CSGALNACT1: variants seen among roughly 807,000 people sequenced by gnomAD.
CSGALNACT1 encodes the protein beta4GalNAcT-1.
CSGALNACT1 carries 52 observed loss-of-function variants against 51.0 expected under a neutral mutation model. The ratio of observed to expected loss-of-function variants is 1.02; its 90% confidence interval spans 0.82 to 1.29. The LOEUF is 1.29. Ranked by LOEUF, CSGALNACT1 falls within the 50% of genes most tolerant of loss-of-function variation. CSGALNACT1 has a pLI of 0.00. For synonymous variants in CSGALNACT1, 341 were observed against 254.4 expected (o/e 1.34, Z -3.24); for missense variants, 935 against 679.2 (o/e 1.38, Z -4.19).
chr8:19,578,194 T>A (rs1228656389), intron 3 of CSGALNACT1, among the ~76,000 whole-genome samples: 1 of 152,182 alleles, frequency 6.6e-6, no homozygotes, highest in Non-Finnish European at 1.5e-5. Flanking sequence ...CCCTAGCTAG[T>A]CACTATGCCA....
intron 8 of CSGALNACT1, among the ~76,000 whole-genome samples, chr8:19,414,064 T>C (rs577277886): frequency 5.3e-5 from 8 of 152,322 alleles, no homozygotes; most frequent in African/African-American, 1.9e-4. Context: ...CCCAACCTTG[T>C]GTTCAGTGAC....
At chr8:19,743,596 A>G (rs1563200775) in intron 1 of CSGALNACT1, among the ~76,000 whole-genome samples, 1 of 152,218 alleles carries the variant, frequency 6.6e-6, no homozygotes, top group Admixed American at 6.5e-5. Context: ...GGTTCACCAC[A>G]TGGACTTTCA....
At chr8:19,648,683 A>C (rs949020631) in intron 1 of CSGALNACT1, among the ~76,000 whole-genome samples, 1 of 152,120 alleles carries the variant, frequency 6.6e-6, no homozygotes, top group Non-Finnish European at 1.5e-5. Flanking sequence ...TGGTACCTGT[A>C]GTCCCAGGTA....
chr8:19,592,724 T>A lies in CSGALNACT1; in HGVS notation c.-415-1446A>T, dbSNP rs116144858. ...AGCCAAGATCGCACCACTGTGCCAC[T>A]GCACCACTGCACTCTGGCCTGGGGG... On this transcript the variant is annotated intron_variant, in intron 2 of 9. Coordinates refer to ENST00000454498, the Ensembl canonical transcript of CSGALNACT1. 9.3e-4 allele frequency among the ~76,000 whole-genome samples: 141 copies of A among 152,258 alleles called. 1 individual carries two copies. In the East Asian group the frequency reaches 0.021, roughly 23 times the overall value.
chr8:19,456,844 G>C (rs2064210000), intron 5 of CSGALNACT1, among the ~76,000 whole-genome samples: 1 of 152,166 alleles, frequency 6.6e-6, no homozygotes, highest in African/African-American at 2.4e-5. Context: ...AGGGAATTGA[G>C]AACTGCTATA....
In CSGALNACT1 at chr8:19,408,632, C is replaced by T. The variant is rs557020734; in HGVS notation, c.1290G>A (p.Arg430=). The T allele has an allele frequency of 2.5e-6, 4 of 1,613,802 alleles. No individual in the cohort carries two copies. In the African/African-American group the frequency reaches 4.0e-5, roughly 16 times the overall value. ...TCCTACCTATATTGATGAAGTCTGA[C>T]CGATACTGACACGTCATCCCAAATC... Residue 430 remains arginine, a synonymous_variant, in exon 9 of 10, where the codon CGG becomes CGA. Transcript: ENST00000454498.
intron 4 of CSGALNACT1, among the ~76,000 whole-genome samples, chr8:19,488,037 G>A (rs1413720175): frequency 6.6e-6 from 1 of 152,068 alleles, no homozygotes; most frequent in Non-Finnish European, 1.5e-5. Context: ...TTTGCAATAT[G>A]ACTGCTGATA....
chr8:19,548,627 A>T (rs1266691091), intron 3 of CSGALNACT1, among the ~76,000 whole-genome samples: 1 of 152,166 alleles, frequency 6.6e-6, no homozygotes, highest in East Asian at 1.9e-4. Flanking sequence ...TTTTATATAC[A>T]TGGATTTATT....
chr8:19,494,512 G>T (rs907960010), intron 4 of CSGALNACT1, among the ~76,000 whole-genome samples: 5 of 152,186 alleles, frequency 3.3e-5, no homozygotes, highest in African/African-American at 4.8e-5. Flanking sequence ...GCTTGTGAGA[G>T]GCAGGGACTA....
intron 3 of CSGALNACT1, among the ~76,000 whole-genome samples, chr8:19,588,540 C>T (rs2047146762): frequency 6.6e-6 from 1 of 152,216 alleles, no homozygotes; most frequent in Non-Finnish European, 1.5e-5. Flanking sequence ...GCAGTGTGCC[C>T]ATGCACTCAA....
At chr8:19,586,721 T>C (rs1171357975) in intron 3 of CSGALNACT1, among the ~76,000 whole-genome samples, 2 of 152,152 alleles carry the variant, frequency 1.3e-5, no homozygotes, top group African/African-American at 4.8e-5. Context: ...GGGTGGGATA[T>C]TGTACCTAAG....
chr8:19,722,159 A>G (rs1172449783), intron 1 of CSGALNACT1, among the ~76,000 whole-genome samples: 2 of 152,178 alleles, frequency 1.3e-5, no homozygotes, highest in African/African-American at 4.8e-5. Context: ...TAATTAGATG[A>G]GAAAAAGAAC....
At chr8:19,479,678 G>T (rs953463993) in intron 4 of CSGALNACT1, among the ~76,000 whole-genome samples, 1 of 151,120 alleles carries the variant, frequency 6.6e-6, no homozygotes, top group Non-Finnish European at 1.5e-5. Flanking sequence ...AGAAAGCCCC[G>T]ACTGTTAGGA....
chr8:19,416,445 AC>A lies in CSGALNACT1; in HGVS notation c.1227+2210del, dbSNP rs376101652. ...ACTTTTAAAAAATAAGTTTAGTGTCACCTAAGTCTACAGTGGTTATAAAGTC... is the reference window on the plus strand; with the variant it reads ...ACTTTTAAAAAATAAGTTTAGTGTCACTAAGTCTACAGTGGTTATAAAGTC... On this transcript the variant is annotated intron_variant, in intron 8 of 9. Coordinates refer to ENST00000454498, the Ensembl canonical transcript of CSGALNACT1. 2.8e-3 allele frequency among the ~76,000 whole-genome samples: 421 copies of A among 152,210 alleles called. 1 individual carries two copies. Among genetic ancestry groups the A allele is most frequent in the African/African-American group, 9.8e-3 (408 of 41,524 alleles).
At chr8:19,664,185 G>GT (rs34200911) in intron 1 of CSGALNACT1, among the ~76,000 whole-genome samples, 1 of 152,222 alleles carries the variant, frequency 6.6e-6, no homozygotes, top group South Asian at 2.1e-4. Flanking sequence ...TGTTGAACGT[G>GT]TTTTTCAAAG....
intron 4 of CSGALNACT1, among the ~76,000 whole-genome samples, chr8:19,465,511 GACC>G (rs1263137819): frequency 6.6e-6 from 1 of 152,184 alleles, no homozygotes; most frequent in Non-Finnish European, 1.5e-5. Flanking sequence ...TATACGTATT[GACC>G]ACCATAACTG....
rs181669493 is a variant in CSGALNACT1 at position 19,526,968 on chromosome 8, T to G, written c.-296-20838A>C. Among the ~76,000 whole-genome samples, 10 of 152,312 alleles carry G rather than the reference T, an allele frequency of 6.6e-5. 1 individual carries two copies. The highest frequency in any genetic ancestry group is 2.4e-4 in the African/African-American group (10 of 41,572). On this transcript the variant is annotated intron_variant, in intron 3 of 9. Coordinates refer to ENST00000454498, the Ensembl canonical transcript of CSGALNACT1. Reference sequence around the variant, plus strand: ...GTTAAATGCTATGTTAAAGTCTCATTCAGGATCTTAGATATCCGTATCTAT... The same window carrying G: ...GTTAAATGCTATGTTAAAGTCTCATGCAGGATCTTAGATATCCGTATCTAT...
chr8:19,452,440 G>A (rs995544466), intron 5 of CSGALNACT1, among the ~76,000 whole-genome samples: 24 of 150,676 alleles, frequency 1.6e-4, no homozygotes, highest in African/African-American at 5.6e-4. Context: ...AAGCAGGGAA[G>A]GGGAGATTTG....
chr8:19,679,910 T>C (rs1050727450), intron 1 of CSGALNACT1, among the ~76,000 whole-genome samples: 1 of 152,192 alleles, frequency 6.6e-6, no homozygotes, highest in African/African-American at 2.4e-5. Flanking sequence ...TCATAGACCT[T>C]CTGAGCTGGA....
Sources: gnomAD v4.1 joint callset for allele counts (sites outside exome capture counted in the v4.1 genomes callset) on GRCh38, gnomAD v4.1.1 for gene constraint, MANE v1.5 for transcripts, NCBI Gene and HGNC (gene_info 2026-07-23, HGNC 2026-07-21) for gene names.